Variants in NAALADL2 observed in about 807,000 individuals in gnomAD.
NAALADL2 encodes the protein inactive N-acetylated-alpha-linked acidic dipeptidase-like protein 2.
A neutral mutation model predicts 87.2 loss-of-function variants in NAALADL2; 76 were observed. The observed-to-expected ratio is 0.87, with a 90% confidence interval of 0.72 to 1.05. The LOEUF is 1.05. Ranked by LOEUF, NAALADL2 falls within the 50% of genes least tolerant of loss-of-function variation. The pLI is 0.00. For missense variants in NAALADL2, 1,089 were observed against 945.8 expected, an observed-to-expected ratio of 1.15 and a Z score of -1.99; for synonymous variants, 354 against 331.0, an observed-to-expected ratio of 1.07 and a Z score of -0.75.
intron 1 of NAALADL2, among the ~76,000 whole-genome samples, chr3:174,984,333 A>G (rs903599377): frequency 3.9e-5 from 6 of 152,284 alleles, no homozygotes; most frequent in Non-Finnish European, 4.4e-5. Flanking sequence ...CTGAATGTGT[A>G]TATTTGTAGG....
At chr3:174,470,636 C>T (rs1716838478) in intron 1 of NAALADL2, among the ~76,000 whole-genome samples, 1 of 152,112 alleles carries the variant, frequency 6.6e-6, no homozygotes, top group African/African-American at 2.4e-5. Flanking sequence ...TCTAATCCTT[C>T]CTCAGTTAGT....
chr3:175,122,016 G>A (rs554070708), intron 2 of NAALADL2, among the ~76,000 whole-genome samples: 2 of 151,972 alleles, frequency 1.3e-5, no homozygotes, highest in East Asian at 3.9e-4. Context: ...AGGAAATGAT[G>A]AAAATAATTA....
intron 1 of NAALADL2, among the ~76,000 whole-genome samples, chr3:174,544,571 T>C (rs1032643117): frequency 2.8e-5 from 4 of 140,658 alleles, no homozygotes; most frequent in African/African-American, 5.7e-5. Flanking sequence ...TGTTTTCTTT[T>C]TTTTTTTTTT....
At chr3:175,673,611 G>A (rs574342602) in intron 11 of NAALADL2, among the ~76,000 whole-genome samples, 13 of 151,680 alleles carry the variant, frequency 8.6e-5, no homozygotes, top group Non-Finnish European at 1.5e-4. Context: ...CAATTATAAG[G>A]TATTCAGAAG....
chr3:175,530,403 T>C (rs1417673950), intron 9 of NAALADL2, among the ~76,000 whole-genome samples: 1 of 152,194 alleles, frequency 6.6e-6, no homozygotes, highest in Non-Finnish European at 1.5e-5. Context: ...AATCAGTATG[T>C]CATCAAGCAT....
At chr3:175,491,640 G>A (rs187399109) in intron 9 of NAALADL2, among the ~76,000 whole-genome samples, 5 of 152,154 alleles carry the variant, frequency 3.3e-5, no homozygotes, top group Non-Finnish European at 2.9e-5. Flanking sequence ...ATTAGTTGTG[G>A]ACAAGGCACA....
intron 1 of NAALADL2, among the ~76,000 whole-genome samples, chr3:174,952,315 G>T (rs1362569205): frequency 6.6e-6 from 1 of 152,058 alleles, no homozygotes; most frequent in Non-Finnish European, 1.5e-5. Flanking sequence ...ATGAATCTCT[G>T]TTCCCCTTCG....
intron 3 of NAALADL2, among the ~76,000 whole-genome samples, chr3:174,744,853 T>G (rs1734098419): frequency 6.6e-6 from 1 of 152,098 alleles, no homozygotes; most frequent in Non-Finnish European, 1.5e-5. Flanking sequence ...GACTCCTAAG[T>G]AAATCATGAA....
In NAALADL2 at chr3:175,450,667, GT is replaced by G. The variant is rs546842883; in HGVS notation, c.1234+3297del. On this transcript the variant is annotated intron_variant, in intron 6 of 13. Transcript: ENST00000454872. The stretch of plus-strand genomic sequence containing the variant: ...TCCTTGAACCAATCATCATAATATA[GT>G]TGATGTAGTCTGTCAATAGGCTTGA... Among the ~76,000 whole-genome samples, 277 of 148,386 alleles carry G rather than the reference GT, an allele frequency of 1.9e-3. 4 individuals carry two copies. Among genetic ancestry groups the G allele is most frequent in the South Asian group, 0.014 (65 of 4,572 alleles).
intron 1 of NAALADL2, among the ~76,000 whole-genome samples, chr3:174,544,105 A>G (rs1480934039): frequency 2.6e-5 from 4 of 152,040 alleles, no homozygotes; most frequent in South Asian, 2.1e-4. Flanking sequence ...TCCCACCCCA[A>G]TCCAGTCCTT....
At chr3:175,405,432 CA>C (rs1268962597) in intron 5 of NAALADL2, among the ~76,000 whole-genome samples, 3 of 151,952 alleles carry the variant, frequency 2.0e-5, no homozygotes, top group Non-Finnish European at 4.4e-5. Flanking sequence ...TAAATATGCA[CA>C]AACTTTTAAT....
intron 1 of NAALADL2, among the ~76,000 whole-genome samples, chr3:174,880,270 C>G (rs1247468157): frequency 6.6e-6 from 1 of 152,092 alleles, no homozygotes; most frequent in Non-Finnish European, 1.5e-5. Flanking sequence ...CTCTCCCAAA[C>G]CTATTCTGGC....
At chr3:175,530,635 C>T (rs900415805) in intron 9 of NAALADL2, among the ~76,000 whole-genome samples, 2 of 152,186 alleles carry the variant, frequency 1.3e-5, no homozygotes, top group African/African-American at 4.8e-5. Context: ...ATAGGCCACT[C>T]CCCATGAGGC....
chr3:174,801,867 T>C (rs1215707633), intron 3 of NAALADL2, among the ~76,000 whole-genome samples: 1 of 152,018 alleles, frequency 6.6e-6, no homozygotes. Context: ...TAAGAGGTCA[T>C]GAAAAGATCT....
At chr3:175,333,164 C>T (rs576720623) in intron 5 of NAALADL2, among the ~76,000 whole-genome samples, 1 of 152,074 alleles carries the variant, frequency 6.6e-6, no homozygotes, top group Non-Finnish European at 1.5e-5. Context: ...CTAGTGGTAG[C>T]TTCAATGGGC....
intron 2 of NAALADL2, among the ~76,000 whole-genome samples, chr3:175,101,063 G>A (rs149121566): frequency 2.1e-4 from 32 of 152,160 alleles, no homozygotes; most frequent in African/African-American, 4.8e-4. Flanking sequence ...GTCTCCAGTT[G>A]TAGAATAAAT....
chr3:174,875,374 A>T (rs1728380308), intron 1 of NAALADL2, among the ~76,000 whole-genome samples: 1 of 152,130 alleles, frequency 6.6e-6, no homozygotes, highest in Admixed American at 6.6e-5. Context: ...CTATGTACAC[A>T]CATACATATA....
intron 5 of NAALADL2, among the ~76,000 whole-genome samples, chr3:175,328,153 C>T (rs997912820): frequency 6.6e-6 from 1 of 152,176 alleles, no homozygotes; most frequent in African/African-American, 2.4e-5. Context: ...TTCAGTATAT[C>T]ACACTAGGAT....
At chr3:174,525,945 T>C (rs1412081758) in intron 1 of NAALADL2, among the ~76,000 whole-genome samples, 1 of 152,178 alleles carries the variant, frequency 6.6e-6, no homozygotes, top group South Asian at 2.1e-4. Flanking sequence ...ACAAGAGTAG[T>C]CTGAGTTTCA....
Sources: allele counts gnomAD v4.1 joint callset (sites outside exome capture counted in the v4.1 genomes callset), GRCh38; gene constraint gnomAD v4.1.1; transcripts MANE v1.5; gene names NCBI Gene and HGNC (gene_info 2026-07-23, HGNC 2026-07-21).